CBFA2T3: variants seen among roughly 807,000 people sequenced by gnomAD.
The protein encoded by CBFA2T3 is transcriptional corepressor CBFA2T3.
A neutral mutation model predicts 58.6 loss-of-function variants in CBFA2T3; 31 were observed. The ratio of observed to expected loss-of-function variants is 0.53; its 90% CI spans 0.40 to 0.71. The LOEUF (loss-of-function observed/expected upper bound fraction) is 0.71, where lower values mean the gene tolerates loss of function less well. Among genes scored for constraint, CBFA2T3 ranks in the 30% least tolerant of loss-of-function variants. The probability of loss-of-function intolerance (pLI) is 0.00; values close to 1 mark genes in which losing one functional copy is unlikely to be tolerated. For missense variants in CBFA2T3, 1,076 were observed against 963.1 expected, an observed-to-expected ratio of 1.12 and a Z score of -1.55; for synonymous variants, 531 against 421.9, an observed-to-expected ratio of 1.26 and a Z score of -3.17.
intron 1 of CBFA2T3, among the ~76,000 whole-genome samples, chr16:88,911,391 C>A (rs112571730): frequency 0.018 from 2,803 of 152,338 alleles, 28 homozygotes; most frequent in African/African-American, 0.024. Flanking sequence ...CTCTGGCTCC[C>A]CTTGGGTAAG....
chr16:88,891,820 G>C lies in CBFA2T3; in HGVS notation c.711+62C>G, dbSNP rs1019189759. 1.5e-5 allele frequency: 17 copies of C among 1,156,788 alleles called. No individual in the cohort carries two copies. The African/African-American group carries it at 2.3e-4, about 16-fold the overall frequency. 71.7% of individuals were successfully genotyped at this position (1,156,788 alleles called of 1,614,324 possible). On this transcript the variant is annotated intron_variant, in intron 5 of 11. Coordinates refer to ENST00000268679, the MANE Select transcript of CBFA2T3 (RefSeq NM_005187.6). ...GTCCACCGCTGTCCACGCTGGCAAG[G>C]AGTGGGATTAAGGGGCCTTCTAGGG...
At chr16:88,938,395 C>G (rs933120725) in intron 1 of CBFA2T3, 1 of 151,416 alleles carries the variant, frequency 6.6e-6, no homozygotes, top group Non-Finnish European at 1.5e-5. Context: ...ACACTCGCTG[C>G]GGCCCGCCGT....
intron 1 of CBFA2T3, among the ~76,000 whole-genome samples, chr16:88,961,284 G>C (rs1972347438): frequency 1.3e-5 from 2 of 152,176 alleles, no homozygotes; most frequent in African/African-American, 4.8e-5. Flanking sequence ...CTGACACACA[G>C]CACTGGAGAT....
chr16:88,914,801 C>T (rs1567604504), intron 1 of CBFA2T3, among the ~76,000 whole-genome samples: 1 of 152,228 alleles, frequency 6.6e-6, no homozygotes, highest in Non-Finnish European at 1.5e-5. Flanking sequence ...AAAATCTTCC[C>T]TGCTCCCCAA....
chr16:88,887,321 C>T (rs1168783984), intron 5 of CBFA2T3, among the ~76,000 whole-genome samples: 5 of 152,124 alleles, frequency 3.3e-5, no homozygotes, highest in East Asian at 1.9e-4. Context: ...AACGAGGTCC[C>T]GGGAGGTCTG....
intron 1 of CBFA2T3, among the ~76,000 whole-genome samples, chr16:88,930,001 C>A (rs1971234390): frequency 6.8e-6 from 1 of 147,644 alleles, no homozygotes; most frequent in Admixed American, 6.6e-5. Flanking sequence ...GCAAAAGCTA[C>A]CAATACCCAC....
In CBFA2T3 at chr16:88,958,774, G is replaced by T. The variant is rs373078709; in HGVS notation, c.151+17883C>A. ...GGCCTCAGGGCCTCAGCGTAGCCCA[G>T]GTCTGCGCTGGCTCTGGGCTCTTCC... is the stretch of plus-strand genomic sequence containing the variant. On this transcript the variant is annotated intron_variant, in intron 1 of 11. Transcript: ENST00000268679. The surrounding 1 kb of genome is among the most constrained non-coding windows in gnomAD (Gnocchi z 4.0). 2.0e-5 allele frequency among the ~76,000 whole-genome samples: 3 copies of T among 152,152 alleles called. No individual in the cohort carries two copies. The highest frequency in any genetic ancestry group is 4.1e-4 in the South Asian group (2 of 4,830).
intron 1 of CBFA2T3, among the ~76,000 whole-genome samples, chr16:88,970,239 C>G (rs1324033613): frequency 6.6e-6 from 1 of 152,236 alleles, no homozygotes. Flanking sequence ...AGCTGGGTGT[C>G]AGGATGTGCT....
intron 1 of CBFA2T3, chr16:88,951,484 C>T (rs1972071831): frequency 5.4e-6 from 2 of 372,062 alleles, no homozygotes; most frequent in South Asian, 4.1e-5. Flanking sequence ...ATTTTTGTTT[C>T]ATCTTTGCTT....
In CBFA2T3 at chr16:88,891,885, C is replaced by T. The variant is rs1036339944; in HGVS notation, c.708G>A (p.Leu236=). Residue 236 remains leucine, a synonymous_variant, in exon 5 of 12, where the codon CTG becomes CTA. Coordinates refer to ENST00000268679, the MANE Select transcript of CBFA2T3 (RefSeq NM_005187.6). ...FPLRPFVIPF[L]KANLPLLQRE... is the part of the protein sequence containing the mutation. ...CGGGGGACGGGTTTCGCATTACCTT[C>T]AGGAAGGGAATGACAAACGGCCGCA... 1.9e-6 allele frequency: 3 copies of T among 1,610,242 alleles called. No homozygotes were observed. The highest frequency in any genetic ancestry group is 8.5e-7 in the Non-Finnish European group (1 of 1,177,396).
At chr16:88,881,534 A>T (rs761066677) in intron 8 of CBFA2T3, 45 bp from the exon 9 acceptor site, 3 of 1,558,702 alleles carry the variant, frequency 1.9e-6, no homozygotes, top group Non-Finnish European at 2.6e-6. Context: ...AGGGACCGGG[A>T]CGCACCAGAC....
intron 8 of CBFA2T3, among the ~76,000 whole-genome samples, chr16:88,882,379 G>C (rs13333739): frequency 0.053 from 8,054 of 151,300 alleles, 714 homozygotes; most frequent in African/African-American, 0.19. Flanking sequence ...GGGGGGTTGT[G>C]TGCATGGGTA....
chr16:88,899,249 T>C (rs573768876), intron 2 of CBFA2T3, among the ~76,000 whole-genome samples: 1 of 152,092 alleles, frequency 6.6e-6, no homozygotes, highest in South Asian at 2.1e-4. Context: ...AACTGAGCTG[T>C]GGCCCCTGAA....
At chr16:88,927,645 A>AG (rs1282850159) in intron 1 of CBFA2T3, among the ~76,000 whole-genome samples, 4 of 152,110 alleles carry the variant, frequency 2.6e-5, no homozygotes, top group African/African-American at 9.7e-5. Flanking sequence ...CTGCAGCTGT[A>AG]GGGGGGTTCA....
At chr16:88,884,884 G>A (rs945660781) in intron 7 of CBFA2T3, 162 bp downstream of exon 7, 8 of 590,316 alleles carry the variant, frequency 1.4e-5, no homozygotes, top group South Asian at 8.7e-5. Context: ...TGCAGCCACC[G>A]CTCTGCTCCA....
At position 88,901,559 on chromosome 16, in the gene CBFA2T3, TG is replaced by T; in HGVS notation, c.248del (p.Pro83HisfsTer37). 4 of 1,470,900 alleles carry T rather than the reference TG, an allele frequency of 2.7e-6. No homozygotes were observed. Among genetic ancestry groups the T allele is most frequent in the Non-Finnish European group, 1.8e-6 (2 of 1,112,846 alleles). The allele number at this position is 1,470,900 out of a possible 1,614,324, so 91.1% of individuals were successfully genotyped here. On this transcript the variant is annotated frameshift_variant, in exon 2 of 12. Transcript: ENST00000268679. LOFTEE classifies it high-confidence loss of function. ...TGGCCCCCTGGGATGCGGCAGGCGG[TG>T]GGGGCGGCATGCTGGGGGGTGTGGA... Reference protein sequence around the residue: ...PRSTPPSMPPPPPAASQGATR... With the variant: ...PRSTPPSMPPXPPAASQGATR...
chr16:88,893,183 T>G (rs1485278409), intron 3 of CBFA2T3, among the ~76,000 whole-genome samples: 2 of 141,618 alleles, frequency 1.4e-5, no homozygotes, highest in Non-Finnish European at 3.0e-5. Flanking sequence ...CTGAGCAATG[T>G]CCCCACAACA....
At chr16:88,892,089 G>A (rs1969656257) in intron 4 of CBFA2T3, 118 bp from the exon 5 acceptor site, 2 of 1,353,978 alleles carry the variant, frequency 1.5e-6, no homozygotes, top group Non-Finnish European at 1.0e-6. Flanking sequence ...CCCAGGAGCT[G>A]GGCACGGCCT....
At chr16:88,937,767 T>C (rs1343488244) in intron 1 of CBFA2T3, 1 of 152,278 alleles carries the variant, frequency 6.6e-6, no homozygotes, top group Admixed American at 6.5e-5. Context: ...GTTCGATCAA[T>C]ACTTGCCCAG....
Sources: gnomAD v4.1 joint callset for allele counts (sites outside exome capture counted in the v4.1 genomes callset) on GRCh38, gnomAD v4.1.1 for gene constraint, Gnocchi (gnomAD v3.1) non-coding constraint, MANE v1.5 for transcripts, NCBI Gene and HGNC (gene_info 2026-07-23, HGNC 2026-07-21) for gene names.